ATRNL1: variants seen among roughly 807,000 people sequenced by gnomAD.
The protein encoded by ATRNL1 is attractin-like protein 1.
Under a neutral mutation model 182.7 loss-of-function variants are expected in ATRNL1, and 95 were observed. That is an observed-to-expected ratio of 0.52 (90% confidence interval 0.44 to 0.62). ATRNL1 has a LOEUF of 0.62. Ranked by LOEUF, ATRNL1 falls within the 20% of genes least tolerant of loss-of-function variation. The probability of loss-of-function intolerance (pLI) is 0.00; values close to 1 mark genes in which losing one functional copy is unlikely to be tolerated. For missense variants in ATRNL1, 1,471 were observed against 1,679.5 expected, an observed-to-expected ratio of 0.88 and a Z score of 2.17; for synonymous variants, 576 against 568.3, an observed-to-expected ratio of 1.01 and a Z score of -0.19.
intron 10 of ATRNL1, among the ~76,000 whole-genome samples, chr10:115,243,811 C>A (rs115156290): frequency 0.011 from 1,658 of 152,024 alleles, 26 homozygotes; most frequent in African/African-American, 0.037. Flanking sequence ...ATCCCCTGTG[C>A]TAACACTGAC....
At chr10:115,315,794 T>C in intron 18 of ATRNL1, 58 bp downstream of exon 18, 1 of 1,331,772 alleles carries the variant, frequency 7.5e-7, no homozygotes, top group Non-Finnish European at 1.0e-6. Flanking sequence ...CAAGAAGGAG[T>C]TTTTGTTCTT....
At chr10:115,393,495 A>G (rs1359272189) in intron 19 of ATRNL1, among the ~76,000 whole-genome samples, 3 of 152,166 alleles carry the variant, frequency 2.0e-5, no homozygotes, top group East Asian at 1.9e-4. Context: ...AAAAGACCAT[A>G]TCATTTCATT....
chr10:115,916,920 A>G (rs782573847), intron 28 of ATRNL1, among the ~76,000 whole-genome samples: 2 of 152,234 alleles, frequency 1.3e-5, no homozygotes, highest in African/African-American at 2.4e-5. Context: ...TAGGAGGACC[A>G]GGCTCAGGAC....
At chr10:115,170,481 A>G (rs910460415) in intron 7 of ATRNL1, among the ~76,000 whole-genome samples, 1 of 152,180 alleles carries the variant, frequency 6.6e-6, no homozygotes, top group African/African-American at 2.4e-5. Context: ...TGTACTCTAC[A>G]TGATGCACAA....
At chr10:115,547,165 G>A (rs1554993980) in intron 25 of ATRNL1, among the ~76,000 whole-genome samples, 1 of 151,628 alleles carries the variant, frequency 6.6e-6, no homozygotes, top group South Asian at 2.1e-4. Context: ...TGAGGTGGGA[G>A]AATTGCTGAA....
intron 26 of ATRNL1, among the ~76,000 whole-genome samples, chr10:115,674,697 G>C (rs1284825941): frequency 1.3e-5 from 2 of 152,082 alleles, no homozygotes; most frequent in East Asian, 3.9e-4. Context: ...ATTTAGCCTG[G>C]AATGCAAAGC....
intron 26 of ATRNL1, among the ~76,000 whole-genome samples, chr10:115,654,670 G>T (rs1555035289): frequency 6.6e-6 from 1 of 152,064 alleles, no homozygotes; most frequent in Non-Finnish European, 1.5e-5. Context: ...GCATGTTGTT[G>T]GTGTCCATGT....
At chr10:115,615,983 G>C (rs1040121971) in intron 26 of ATRNL1, among the ~76,000 whole-genome samples, 1 of 152,164 alleles carries the variant, frequency 6.6e-6, no homozygotes, top group South Asian at 2.1e-4. Flanking sequence ...AATGGGCAGT[G>C]GTTGAAATAG....
chr10:115,525,010 G>A (rs1158102403), intron 25 of ATRNL1, among the ~76,000 whole-genome samples: 1 of 152,070 alleles, frequency 6.6e-6, no homozygotes, highest in Non-Finnish European at 1.5e-5. Flanking sequence ...GGTATTTTCA[G>A]GGATCATTTT....
chr10:115,674,950 A>G (rs1176591387), intron 26 of ATRNL1, among the ~76,000 whole-genome samples: 1 of 152,068 alleles, frequency 6.6e-6, no homozygotes, highest in Admixed American at 6.6e-5. Context: ...ACCAAATATG[A>G]TACATTTCTC....
At chr10:115,699,725 TATG>T (rs1332249341) in intron 26 of ATRNL1, among the ~76,000 whole-genome samples, 1 of 152,212 alleles carries the variant, frequency 6.6e-6, no homozygotes, top group Non-Finnish European at 1.5e-5. Flanking sequence ...CAAGGATACA[TATG>T]CAGGTTTCTT....
intron 19 of ATRNL1, among the ~76,000 whole-genome samples, chr10:115,368,319 C>G (rs1162433210): frequency 1.3e-5 from 2 of 152,196 alleles, no homozygotes; most frequent in African/African-American, 2.4e-5. Context: ...TTCTTTGACT[C>G]GGAAAGGGAA....
intron 26 of ATRNL1, among the ~76,000 whole-genome samples, chr10:115,719,499 A>G (rs1223974221): frequency 6.6e-6 from 1 of 152,230 alleles, no homozygotes; most frequent in African/African-American, 2.4e-5. Flanking sequence ...CACACAGTTG[A>G]CAAAAACCAG....
intron 19 of ATRNL1, among the ~76,000 whole-genome samples, chr10:115,368,581 A>G (rs1857206362): frequency 6.6e-6 from 1 of 152,168 alleles, no homozygotes. Flanking sequence ...CCATGGCTGT[A>G]GATCTCCAGA....
intron 26 of ATRNL1, among the ~76,000 whole-genome samples, chr10:115,635,621 G>T (rs1176266320): frequency 6.6e-6 from 1 of 152,080 alleles, no homozygotes; most frequent in African/African-American, 2.4e-5. Flanking sequence ...TGAGAAATTT[G>T]ACTCTTAGCT....
chr10:115,533,068 T>C (rs1308643083), intron 25 of ATRNL1, among the ~76,000 whole-genome samples: 3 of 152,206 alleles, frequency 2.0e-5, no homozygotes, highest in Non-Finnish European at 4.4e-5. Flanking sequence ...AAATTCTCTT[T>C]TTTGGTTGTG....
chr10:115,481,777 GA>G (rs1333769895), intron 24 of ATRNL1, among the ~76,000 whole-genome samples: 3 of 150,572 alleles, frequency 2.0e-5, no homozygotes, highest in Non-Finnish European at 3.0e-5. Flanking sequence ...TTTAGCTCTA[GA>G]CACGCTTCCA....
chr10:115,843,215 A>G (rs1950850265), intron 27 of ATRNL1, among the ~76,000 whole-genome samples: 2 of 152,094 alleles, frequency 1.3e-5, no homozygotes, highest in Non-Finnish European at 2.9e-5. Flanking sequence ...TACATCAATA[A>G]GTATAATAAA....
chr10:115,943,497 C>G (rs1348284431), intron 28 of ATRNL1, among the ~76,000 whole-genome samples: 3 of 152,156 alleles, frequency 2.0e-5, no homozygotes, highest in African/African-American at 7.2e-5. Flanking sequence ...ATTAGAATGG[C>G]TAACACCTAA....
Sources: gnomAD v4.1 joint callset for allele counts (sites outside exome capture counted in the v4.1 genomes callset) on GRCh38, gnomAD v4.1.1 for gene constraint, MANE v1.5 for transcripts, NCBI Gene and HGNC (gene_info 2026-07-23, HGNC 2026-07-21) for gene names.